LYRM4: variants seen among roughly 807,000 people sequenced by gnomAD.
LYRM4 encodes the protein LYR motif containing 4, also known as LYR motif-containing protein 4.
A neutral mutation model predicts 11.7 loss-of-function variants in LYRM4; 9 were observed. The observed-to-expected ratio is 0.77, with a 90% CI of 0.46 to 1.34. The LOEUF is 1.34. LYRM4 is among the 40% of genes most tolerant of loss of function. The probability of loss-of-function intolerance (pLI) is 0.00; values close to 1 mark genes in which losing one functional copy is unlikely to be tolerated. For synonymous variants in LYRM4, 42 were observed against 40.4 expected (o/e 1.04, Z -0.15); for missense variants, 133 against 112.5 (o/e 1.18, Z -0.82).
the LYRM4 span, among the ~76,000 whole-genome samples, chr6:5,050,533 T>C: frequency 2.0e-5 from 3 of 152,364 alleles, no homozygotes; most frequent in Admixed American, 1.3e-4. Context: ...TGCTCTTTTT[T>C]TTCTTCTTTA....
At chr6:5,205,916 A>G (rs1335870538) in intron 2 of LYRM4, among the ~76,000 whole-genome samples, 4 of 152,204 alleles carry the variant, frequency 2.6e-5, no homozygotes, top group African/African-American at 9.6e-5. Flanking sequence ...CACTCCTGCC[A>G]TTGCTGGGTG....
intron 2 of LYRM4, among the ~76,000 whole-genome samples, chr6:5,148,749 G>A (rs1056821986): frequency 2.6e-5 from 4 of 152,008 alleles, no homozygotes; most frequent in Non-Finnish European, 5.9e-5. Flanking sequence ...GAAGATGAGA[G>A]CCTCTTGTCT....
chr6:5,241,257 A>G (rs1288497519), intron 1 of LYRM4, among the ~76,000 whole-genome samples: 1 of 152,236 alleles, frequency 6.6e-6, no homozygotes, highest in Non-Finnish European at 1.5e-5. Flanking sequence ...GTGACTCTAT[A>G]CTAAATAAAA....
intron 2 of LYRM4, among the ~76,000 whole-genome samples, chr6:5,194,090 G>A (rs967945076): frequency 1.3e-4 from 18 of 138,030 alleles, no homozygotes; most frequent in African/African-American, 4.2e-4. Flanking sequence ...GGGGGTGGGG[G>A]AAGAGAATGA....
the LYRM4 span, among the ~76,000 whole-genome samples, chr6:5,058,513 G>A: frequency 4.6e-5 from 7 of 152,252 alleles, no homozygotes; most frequent in South Asian, 2.1e-4. Flanking sequence ...GTGGTTCCCC[G>A]CTTCAGCCTG....
the LYRM4 span, among the ~76,000 whole-genome samples, chr6:5,062,488 T>C: frequency 3.3e-5 from 5 of 152,116 alleles, no homozygotes; most frequent in South Asian, 1.0e-3. Flanking sequence ...TTCCCCTGAA[T>C]TTCATGACCT....
intron 1 of LYRM4, among the ~76,000 whole-genome samples, chr6:5,219,696 T>C (rs1277139391): frequency 6.6e-6 from 1 of 152,180 alleles, no homozygotes; most frequent in Non-Finnish European, 1.5e-5. Context: ...CCCTGGTTTT[T>C]ATCATTTGCT....
At chr6:5,060,215 T>G in the LYRM4 span, among the ~76,000 whole-genome samples, 94 of 152,364 alleles carry the variant, frequency 6.2e-4, no homozygotes, top group Non-Finnish European at 1.0e-4. Flanking sequence ...CTATTTCTTT[T>G]AAAACATTGA....
At chr6:5,158,845 G>A (rs1758575530) in intron 2 of LYRM4, among the ~76,000 whole-genome samples, 3 of 152,168 alleles carry the variant, frequency 2.0e-5, no homozygotes, top group African/African-American at 4.8e-5. Context: ...TGCCAGGCTG[G>A]AAGAGGGTCA....
At chr6:5,079,343 T>C in the LYRM4 span, among the ~76,000 whole-genome samples, 1 of 152,238 alleles carries the variant, frequency 6.6e-6, no homozygotes, top group Admixed American at 6.5e-5. Flanking sequence ...AGACTTCCCA[T>C]CTCTAATGAT....
chr6:5,111,039 A>G (rs978757619), intron 2 of LYRM4, among the ~76,000 whole-genome samples: 16 of 152,298 alleles, frequency 1.1e-4, no homozygotes, highest in Non-Finnish European at 2.9e-5. Flanking sequence ...ACAACCTGAA[A>G]TAGCTGCTGG....
At chr6:5,156,974 C>G (rs1451034548) in intron 2 of LYRM4, among the ~76,000 whole-genome samples, 1 of 152,174 alleles carries the variant, frequency 6.6e-6, no homozygotes, top group Non-Finnish European at 1.5e-5. Flanking sequence ...TAAACACACA[C>G]CCCTCTGGCC....
intron 2 of LYRM4, among the ~76,000 whole-genome samples, chr6:5,200,154 G>A (rs746092959): frequency 2.0e-5 from 3 of 152,138 alleles, no homozygotes; most frequent in African/African-American, 7.2e-5. Flanking sequence ...AGGACACTGT[G>A]GATATTCTCA....
the LYRM4 span, chr6:5,066,773 G>A: frequency 1.1e-5 from 8 of 737,862 alleles, no homozygotes; most frequent in African/African-American, 1.1e-4. Context: ...AACGCTTAAA[G>A]TCTAAGATGG....
chr6:5,067,365 T>A, the LYRM4 span, among the ~76,000 whole-genome samples: 2 of 152,258 alleles, frequency 1.3e-5, no homozygotes, highest in African/African-American at 4.8e-5. Flanking sequence ...GCTCAGTTTC[T>A]CATGAGGTTG....
intron 1 of LYRM4, 35 bp downstream of exon 1, chr6:5,260,613 C>T (rs751889080): frequency 1.5e-6 from 2 of 1,306,428 alleles, no homozygotes; most frequent in Non-Finnish European, 2.1e-6. Context: ...GGCCCCTGGC[C>T]CCCCGCCCCC....
Position 5,122,068 on chromosome 6 carries a change from T to G in LYRM4, c.208-12577A>C, listed in dbSNP as rs1561811140. Among the ~76,000 whole-genome samples the G allele has an allele frequency of 2.0e-5, 3 of 152,180 alleles. No individual in the cohort carries two copies. In the South Asian group the frequency reaches 6.2e-4, roughly 32 times the overall value. On this transcript the variant is annotated intron_variant, in intron 2 of 2. Coordinates refer to ENST00000330636, the MANE Select transcript of LYRM4 (RefSeq NM_020408.6). Reference sequence around the variant, plus strand: ...CCAGTTCTGGTTTTAATATTTGCTTTAATCAAATATAACTGAGCAGGCAAG... The same window carrying G: ...CCAGTTCTGGTTTTAATATTTGCTTGAATCAAATATAACTGAGCAGGCAAG...
In LYRM4 at chr6:5,250,584, C is replaced by T. The variant is rs547872962; in HGVS notation, c.86+10064G>A. ...CAATAATGAATAATCTTTCAAAAGT[C>T]TAAGAAACTGCTTTTAGGCACACAT... is the stretch of plus-strand genomic sequence containing the variant. On this transcript the variant is annotated intron_variant, in intron 1 of 2. Coordinates refer to ENST00000330636, the MANE Select transcript of LYRM4 (RefSeq NM_020408.6). Among the ~76,000 whole-genome samples the T allele has an allele frequency of 4.6e-5, 7 of 152,268 alleles. No homozygotes were observed. The South Asian group carries it at 1.4e-3, about 32-fold the overall frequency.
chr6:5,192,741 T>C lies in LYRM4; in HGVS notation c.207+23877A>G, dbSNP rs369721702. Among the ~76,000 whole-genome samples, 8 of 152,318 alleles carry C rather than the reference T, an allele frequency of 5.3e-5. No individual in the cohort carries two copies. In the East Asian group the frequency reaches 1.5e-3, roughly 29 times the overall value. ...TATTCCGTTGTATCCAAAGCACATT[T>C]AGGGCCTGGCGCGGTGGCCCGCGCC... is the stretch of plus-strand genomic sequence containing the variant. On this transcript the variant is annotated intron_variant, in intron 2 of 2. Coordinates refer to ENST00000330636, the MANE Select transcript of LYRM4 (RefSeq NM_020408.6).
Sources: allele counts gnomAD v4.1 joint callset (sites outside exome capture counted in the v4.1 genomes callset), GRCh38; gene constraint gnomAD v4.1.1; transcripts MANE v1.5; gene names NCBI Gene and HGNC (gene_info 2026-07-23, HGNC 2026-07-21).